Variants in DYNC1I1 observed in about 807,000 individuals in gnomAD.
The protein encoded by DYNC1I1 is cytoplasmic dynein 1 intermediate chain 1.
In DYNC1I1, 43 loss-of-function variants were observed where a neutral mutation model predicts 86.6. The observed-to-expected ratio is 0.50, with a 90% confidence interval of 0.39 to 0.64. The LOEUF is 0.64. Ranked by LOEUF, DYNC1I1 falls within the 30% of genes least tolerant of loss-of-function variation. DYNC1I1 has a pLI of 0.00. For missense variants in DYNC1I1, 604 were observed against 788.8 expected (o/e 0.77, Z 2.81); for synonymous variants, 262 against 283.7 (o/e 0.92, Z 0.77).
intron 6 of DYNC1I1, among the ~76,000 whole-genome samples, chr7:95,909,655 C>T (rs927413095): frequency 1.3e-5 from 2 of 152,030 alleles, no homozygotes; most frequent in South Asian, 2.1e-4. Flanking sequence ...AAAACCCTTC[C>T]GTGGTATCTG....
intron 6 of DYNC1I1, among the ~76,000 whole-genome samples, chr7:95,945,374 G>A (rs1002479587): frequency 2.0e-5 from 3 of 152,174 alleles, no homozygotes; most frequent in Middle Eastern, 3.4e-3. Flanking sequence ...TAAATTTATA[G>A]CATCTTCTAT....
chr7:95,943,188 A>G (rs1456392966), intron 6 of DYNC1I1, among the ~76,000 whole-genome samples: 2 of 151,654 alleles, frequency 1.3e-5, no homozygotes, highest in East Asian at 2.0e-4. Context: ...CAGGATACAA[A>G]ATCAATGTAC....
At chr7:96,028,360 G>A in intron 11 of DYNC1I1, 39 bp downstream of exon 11, 2 of 1,563,440 alleles carry the variant, frequency 1.3e-6, no homozygotes, top group Non-Finnish European at 8.7e-7. Flanking sequence ...GAGCCGCCAG[G>A]CCCTGAAAGA....
intron 16 of DYNC1I1, among the ~76,000 whole-genome samples, chr7:96,109,742 G>A (rs1195616175): frequency 1.3e-5 from 2 of 152,056 alleles, no homozygotes; most frequent in Non-Finnish European, 2.9e-5. Context: ...GTTATAGTCA[G>A]AGAATATAAT....
chr7:96,098,458 G>A (rs1324828945), downstream of DYNC1I1: 5 of 976,968 alleles, frequency 5.1e-6, no homozygotes, highest in Non-Finnish European at 6.1e-6. Flanking sequence ...CCTTTGCTTG[G>A]GGAAAGCTTG....
At position 96,082,619 on chromosome 7, in the gene DYNC1I1, A is replaced by C. The variant is rs534350403; in HGVS notation, c.1776+2131A>C. ...GTCTTTATTTTGACTTAAATGTTAT[A>C]TATATACACACTATATATATGCACA... On this transcript the variant is annotated intron_variant, in intron 16 of 16. Transcript: ENST00000447467. Among the ~76,000 whole-genome samples the C allele has an allele frequency of 9.0e-4, 137 of 152,196 alleles. 1 individual carries two copies. Among genetic ancestry groups the C allele is most frequent in the Non-Finnish European group, 1.1e-3 (72 of 68,032 alleles).
chr7:96,063,933 A>C (rs1050579293), intron 14 of DYNC1I1, among the ~76,000 whole-genome samples: 1 of 152,224 alleles, frequency 6.6e-6, no homozygotes, highest in Non-Finnish European at 1.5e-5. Context: ...TGAATCCCAG[A>C]GGCAACAGAA....
At chr7:96,057,508 G>T (rs1789613701) in intron 14 of DYNC1I1, among the ~76,000 whole-genome samples, 1 of 152,154 alleles carries the variant, frequency 6.6e-6, no homozygotes, top group Non-Finnish European at 1.5e-5. Flanking sequence ...CCATTTAGTA[G>T]TGGACTCAGA....
chr7:95,923,250 T>C (rs904538083), intron 6 of DYNC1I1, among the ~76,000 whole-genome samples: 1 of 152,088 alleles, frequency 6.6e-6, no homozygotes, highest in Non-Finnish European at 1.5e-5. Context: ...CTAGTAGAAT[T>C]TATTTGACCA....
chr7:96,033,208 C>T (rs1392998481), intron 12 of DYNC1I1, among the ~76,000 whole-genome samples: 1 of 152,162 alleles, frequency 6.6e-6, no homozygotes, highest in Non-Finnish European at 1.5e-5. Context: ...GTATCCGTAG[C>T]CTAGACAACA....
intron 16 of DYNC1I1, among the ~76,000 whole-genome samples, chr7:96,082,516 T>C (rs539876545): frequency 2.1e-4 from 32 of 152,270 alleles, no homozygotes; most frequent in African/African-American, 7.7e-4. Context: ...ATTTTATCCC[T>C]CTTTGTTGTA....
rs201288162 is a variant in DYNC1I1, at chr7:96,093,284, A to G, written c.1777-4199A>G. On this transcript the variant is annotated intron_variant, in intron 16 of 16. Coordinates refer to ENST00000447467, the MANE Select transcript of DYNC1I1 (RefSeq NM_001135556.2). ...ACATCTCTGTTGATGAATGGGTCAG[A>G]TATCATCATCCTTATTTTACAATTG... Among the ~76,000 whole-genome samples, 4 of 152,276 alleles carry G rather than the reference A, an allele frequency of 2.6e-5. No homozygotes were observed. The East Asian group carries it at 7.7e-4, about 29-fold the overall frequency.
chr7:96,091,978 T>A (rs905290191), intron 16 of DYNC1I1, among the ~76,000 whole-genome samples: 11 of 152,166 alleles, frequency 7.2e-5, no homozygotes, highest in Non-Finnish European at 1.3e-4. Flanking sequence ...ATGTGTATAG[T>A]TACAATAAAT....
At chr7:96,098,438 G>A (rs1470821200), downstream of DYNC1I1, 2 of 984,520 alleles carry the variant, frequency 2.0e-6, no homozygotes, top group Non-Finnish European at 2.4e-6. Flanking sequence ...CTGCACCAGT[G>A]TGAGTAAATC....
intron 10 of DYNC1I1, among the ~76,000 whole-genome samples, chr7:96,005,287 A>C (rs1264601278): frequency 6.6e-6 from 1 of 152,166 alleles, no homozygotes; most frequent in Non-Finnish European, 1.5e-5. Context: ...GGATCCCTTC[A>C]CCTTGCTAAT....
intron 14 of DYNC1I1, among the ~76,000 whole-genome samples, chr7:96,061,704 T>TCACACA (rs1347558304): frequency 4.6e-5 from 6 of 130,770 alleles, no homozygotes; most frequent in African/African-American, 2.0e-4. Context: ...CCTCTCTCTC[T>TCACACA]CTCTCTCTCA....
intron 14 of DYNC1I1, among the ~76,000 whole-genome samples, chr7:96,069,571 C>T (rs564617354): frequency 6.6e-6 from 1 of 152,148 alleles, no homozygotes; most frequent in Non-Finnish European, 1.5e-5. Flanking sequence ...ATTAAAACGC[C>T]AGTTTTGAAT....
intron 16 of DYNC1I1, among the ~76,000 whole-genome samples, chr7:96,107,774 C>T (rs1563007958): frequency 6.6e-6 from 1 of 152,036 alleles, no homozygotes; most frequent in Non-Finnish European, 1.5e-5. Context: ...GATCCACCTG[C>T]CTCGGCCTCC....
At chr7:96,001,667 A>G (rs1453022255) in intron 10 of DYNC1I1, among the ~76,000 whole-genome samples, 1 of 152,128 alleles carries the variant, frequency 6.6e-6, no homozygotes, top group African/African-American at 2.4e-5. Flanking sequence ...GCAGATGGCC[A>G]CTGTCTTGTT....
Sources: allele counts gnomAD v4.1 joint callset (sites outside exome capture counted in the v4.1 genomes callset), GRCh38; gene constraint gnomAD v4.1.1; transcripts MANE v1.5; gene names NCBI Gene and HGNC (gene_info 2026-07-23, HGNC 2026-07-21).